Variants in VPS37A observed in about 807,000 individuals in gnomAD.
The protein encoded by VPS37A is VPS37A subunit of ESCRT-I.
VPS37A carries 30 observed loss-of-function variants against 49.8 expected under a neutral mutation model. The ratio of observed to expected loss-of-function variants is 0.60; its 90% confidence interval spans 0.45 to 0.82. VPS37A has a LOEUF of 0.82. Among genes scored for constraint, VPS37A ranks in the 40% least tolerant of loss-of-function variants. The pLI is 0.00. For missense variants in VPS37A, 593 were observed against 464.4 expected (o/e 1.28, Z -2.55); for synonymous variants, 195 against 160.6 (o/e 1.21, Z -1.62).
chr8:17,302,375 T>C, downstream of VPS37A: 1 of 1,341,208 alleles, frequency 7.5e-7, no homozygotes, highest in African/African-American at 1.5e-5. Flanking sequence ...ACCACAGTCT[T>C]AATAATAACC....
chr8:17,260,765 T>A (rs112809876), intron 1 of VPS37A, among the ~76,000 whole-genome samples: 71 of 152,206 alleles, frequency 4.7e-4, no homozygotes, highest in African/African-American at 1.7e-3. Context: ...TTTGTTCGTT[T>A]TTTCCTTTCA....
the VPS37A span, among the ~76,000 whole-genome samples, chr8:17,316,261 T>G: frequency 0.33 from 50,627 of 151,606 alleles, 9,926 homozygotes; most frequent in East Asian, 0.72. Flanking sequence ...TCAAATAATA[T>G]ATATATTTTA....
At chr8:17,256,046 A>AGGGTAGTAG (rs1812414970) in intron 1 of VPS37A, among the ~76,000 whole-genome samples, 6 of 151,408 alleles carry the variant, frequency 4.0e-5, no homozygotes, top group Non-Finnish European at 7.4e-5. Flanking sequence ...TTGGCAATAT[A>AGGGTAGTAG]CCCAGTAGCA....
At chr8:17,278,286 T>G (rs999209778) in intron 6 of VPS37A, among the ~76,000 whole-genome samples, 1 of 152,064 alleles carries the variant, frequency 6.6e-6, no homozygotes, top group Admixed American at 6.6e-5. Context: ...TCATTGACCA[T>G]CATTAATATA....
intron 1 of VPS37A, chr8:17,248,280 T>G (rs1305426764): frequency 1.5e-5 from 6 of 413,122 alleles, no homozygotes; most frequent in Non-Finnish European, 2.8e-5. Flanking sequence ...TTTTTTTTTT[T>G]GCCGGGGGTA....
chr8:17,299,822 T>A (rs201732199), downstream of VPS37A: 3 of 1,603,204 alleles, frequency 1.9e-6, no homozygotes, highest in Non-Finnish European at 2.6e-6. Context: ...TTGGAAGTGT[T>A]GCTTATGTGT....
downstream of VPS37A, chr8:17,300,260 T>A (rs1241737567): frequency 3.8e-6 from 6 of 1,568,988 alleles, no homozygotes; most frequent in Non-Finnish European, 5.2e-6. Flanking sequence ...GGAAAAATCA[T>A]AAATAACTTA....
At chr8:17,323,397 G>T in the VPS37A span, among the ~76,000 whole-genome samples, 24 of 152,004 alleles carry the variant, frequency 1.6e-4, no homozygotes, top group Admixed American at 3.3e-4. Flanking sequence ...ATATACAAAC[G>T]GAGCCAGGAT....
At chr8:17,328,691 T>TG in the VPS37A span, among the ~76,000 whole-genome samples, 5 of 152,046 alleles carry the variant, frequency 3.3e-5, no homozygotes, top group African/African-American at 1.2e-4. Context: ...ATGTACATCC[T>TG]GCACATACCC....
chr8:17,247,152 C>A lies in VPS37A; in HGVS notation c.-93C>A, dbSNP rs1811297183. The A allele has an allele frequency of 1.3e-6, 2 of 1,526,216 alleles. No individual in the cohort carries two copies. The highest frequency in any genetic ancestry group is 2.0e-5 in the Admixed American group (1 of 50,454). 94.5% of individuals were successfully genotyped at this position (1,526,216 alleles called of 1,614,324 possible). On this transcript the variant is annotated 5_prime_UTR_variant, in exon 1 of 12. Transcript: ENST00000324849. ...GCGCTTGGGCCACGGACGTCCCACC[C>A]CGCTCCTCTGTCGCTGGAGAACCGC...
chr8:17,274,373 A>G (rs1004717579), intron 4 of VPS37A, among the ~76,000 whole-genome samples: 4 of 152,190 alleles, frequency 2.6e-5, no homozygotes, highest in Non-Finnish European at 5.9e-5. Context: ...CCTGGATTAA[A>G]TATTGCTCTG....
the VPS37A span, among the ~76,000 whole-genome samples, chr8:17,320,719 C>T: frequency 6.6e-6 from 1 of 152,198 alleles, no homozygotes; most frequent in Non-Finnish European, 1.5e-5. Context: ...TGCCTTGTGA[C>T]AGTGCCCAGC....
At chr8:17,269,583 C>T (rs1813789624) in intron 4 of VPS37A, among the ~76,000 whole-genome samples, 1 of 152,076 alleles carries the variant, frequency 6.6e-6, no homozygotes, top group African/African-American at 2.4e-5. Flanking sequence ...AAGATAATAC[C>T]TGGGTTTCAT....
rs540319801 is a variant in VPS37A at position 17,274,721 on chromosome 8, T to C, written c.417-12T>C. Reference sequence around the variant, plus strand: ...AAAATCTAATGTAATGATCTTCTCTTTTTCTTTTCAGTCTATACAGTAACC... The same window carrying C: ...AAAATCTAATGTAATGATCTTCTCTCTTTCTTTTCAGTCTATACAGTAACC... On this transcript the variant is annotated splice_polypyrimidine_tract_variant and intron_variant, in intron 4 of 11. Transcript: ENST00000324849. 3 of 1,597,890 alleles carry C rather than the reference T, an allele frequency of 1.9e-6. No individual in the cohort carries two copies. The African/African-American group carries it at 4.0e-5, about 21-fold the overall frequency.
chr8:17,271,548 G>T (rs147419628), intron 4 of VPS37A, among the ~76,000 whole-genome samples: 3,297 of 152,200 alleles, frequency 0.022, 52 homozygotes, highest in Non-Finnish European at 0.036. Flanking sequence ...AGAGCTTGCA[G>T]TGAGCCGAGA....
chr8:17,330,311 C>G, the VPS37A span, among the ~76,000 whole-genome samples: 6 of 152,330 alleles, frequency 3.9e-5, no homozygotes, highest in East Asian at 7.7e-4. Flanking sequence ...CCCGGGCTCC[C>G]AGCTCCAGCT....
intron 4 of VPS37A, among the ~76,000 whole-genome samples, chr8:17,273,141 T>G (rs1814168749): frequency 6.6e-6 from 1 of 151,336 alleles, no homozygotes; most frequent in Non-Finnish European, 1.5e-5. Flanking sequence ...CACAAAGTAT[T>G]TGTTTTATGG....
chr8:17,260,242 G>C (rs1333230145), intron 1 of VPS37A, among the ~76,000 whole-genome samples: 1 of 151,894 alleles, frequency 6.6e-6, no homozygotes, highest in African/African-American at 2.4e-5. Flanking sequence ...TTGCACTGTG[G>C]TTTTCATGAG....
At chr8:17,327,444 T>A in the VPS37A span, among the ~76,000 whole-genome samples, 1 of 151,742 alleles carries the variant, frequency 6.6e-6, no homozygotes, top group Non-Finnish European at 1.5e-5. Flanking sequence ...TTGATTTTTT[T>A]TATTTTTTAA....
Sources: gnomAD v4.1 joint callset for allele counts (sites outside exome capture counted in the v4.1 genomes callset) on GRCh38, gnomAD v4.1.1 for gene constraint, MANE v1.5 for transcripts, NCBI Gene and HGNC (gene_info 2026-07-23, HGNC 2026-07-21) for gene names.